Variants in ADAMTS17 observed in about 807,000 individuals in gnomAD.
ADAMTS17 encodes the protein A disintegrin and metalloproteinase with thrombospondin motifs 17.
ADAMTS17 carries 113 observed loss-of-function variants against 141.5 expected under a neutral mutation model. The observed-to-expected ratio is 0.80, with a 90% CI of 0.69 to 0.93. ADAMTS17 has a LOEUF of 0.93. Among genes scored for constraint, ADAMTS17 ranks in the 40% least tolerant of loss-of-function variants. ADAMTS17 has a pLI of 0.00. For missense variants in ADAMTS17, 1,659 were observed against 1,517.9 expected (o/e 1.09, Z -1.54); for synonymous variants, 768 against 630.6 (o/e 1.22, Z -3.27).
chr15:100,047,370 AC>A (rs67327685), intron 18 of ADAMTS17, among the ~76,000 whole-genome samples: 39,502 of 139,800 alleles, frequency 0.28, 6,680 homozygotes, highest in East Asian at 0.47. Context: ...TGTGACCCAC[AC>A]CCTATTCACA....
rs574839498 is a variant in ADAMTS17, at chr15:99,971,502, T to C, written c.*2900A>G. ...TCCAATGAAATGATTAATTTTTCTATATAATTTTCATGTATAATGGCGTCC... is the reference window on the plus strand; with the variant it reads ...TCCAATGAAATGATTAATTTTTCTACATAATTTTCATGTATAATGGCGTCC... On this transcript the variant is annotated 3_prime_UTR_variant, in exon 22 of 22. Coordinates refer to ENST00000268070, the MANE Select transcript of ADAMTS17 (RefSeq NM_139057.4). The C allele has an allele frequency of 1.3e-5, 2 of 152,258 alleles. No homozygotes were observed. Among genetic ancestry groups the C allele is most frequent in the South Asian group, 2.1e-4 (1 of 4,836 alleles). 9.4% of individuals were successfully genotyped at this position (152,258 alleles called of 1,614,324 possible).
chr15:100,190,382 T>G (rs536120002), intron 8 of ADAMTS17, among the ~76,000 whole-genome samples: 1 of 152,296 alleles, frequency 6.6e-6, no homozygotes, highest in Non-Finnish European at 1.5e-5. Context: ...GAGCAAGCCA[T>G]CTGTGACCTC....
chr15:100,046,963 C>G (rs1382496353), intron 18 of ADAMTS17, among the ~76,000 whole-genome samples: 1 of 152,130 alleles, frequency 6.6e-6, no homozygotes, highest in Non-Finnish European at 1.5e-5. Context: ...CAGAACAGAG[C>G]CATATTTCTT....
chr15:99,995,432 G>C (rs1485784827), intron 19 of ADAMTS17, among the ~76,000 whole-genome samples: 2 of 152,214 alleles, frequency 1.3e-5, no homozygotes, highest in Non-Finnish European at 2.9e-5. Flanking sequence ...CTTTGTCTGA[G>C]CAGTGCTGCA....
intron 18 of ADAMTS17, among the ~76,000 whole-genome samples, chr15:100,009,190 C>G (rs2061104389): frequency 6.6e-6 from 1 of 152,082 alleles, no homozygotes; most frequent in Admixed American, 6.5e-5. Flanking sequence ...ACTGTAACTC[C>G]CAGAGGAAGA....
intron 7 of ADAMTS17, among the ~76,000 whole-genome samples, chr15:100,220,434 T>C (rs994233790): frequency 6.6e-6 from 1 of 152,192 alleles, no homozygotes; most frequent in Non-Finnish European, 1.5e-5. Flanking sequence ...AACAGTAACA[T>C]GATCAGCTCT....
intron 13 of ADAMTS17, among the ~76,000 whole-genome samples, chr15:100,110,879 A>G (rs1183211486): frequency 1.3e-5 from 2 of 152,094 alleles, no homozygotes; most frequent in Non-Finnish European, 2.9e-5. Flanking sequence ...GTCAGAGCAG[A>G]CGTGCTGTCT....
At chr15:100,041,357 CT>C (rs1160918431) in intron 18 of ADAMTS17, among the ~76,000 whole-genome samples, 1 of 152,202 alleles carries the variant, frequency 6.6e-6, no homozygotes, top group Non-Finnish European at 1.5e-5. Flanking sequence ...TTGGAATGGC[CT>C]TTTTCAAGTG....
At chr15:100,104,625 A>C (rs1271627751) in intron 14 of ADAMTS17, among the ~76,000 whole-genome samples, 1 of 152,210 alleles carries the variant, frequency 6.6e-6, no homozygotes, top group Non-Finnish European at 1.5e-5. Context: ...AAGAGAGGAA[A>C]ACGCTAGTAG....
chr15:100,291,636 T>C (rs2142126074), intron 3 of ADAMTS17, among the ~76,000 whole-genome samples: 1 of 152,208 alleles, frequency 6.6e-6, no homozygotes, highest in East Asian at 1.9e-4. Flanking sequence ...GTGGTACATA[T>C]ACACCAGGAA....
At chr15:100,188,780 G>T (rs913605240) in intron 8 of ADAMTS17, among the ~76,000 whole-genome samples, 1 of 152,206 alleles carries the variant, frequency 6.6e-6, no homozygotes, top group East Asian at 1.9e-4. Flanking sequence ...TCCAAAGCCA[G>T]CTGACAATCC....
At chr15:100,293,155 G>C (rs1309085521) in intron 3 of ADAMTS17, among the ~76,000 whole-genome samples, 1 of 152,170 alleles carries the variant, frequency 6.6e-6, no homozygotes, top group Admixed American at 6.5e-5. Context: ...TTGGTCCAGG[G>C]AGAGTTATTA....
intron 15 of ADAMTS17, among the ~76,000 whole-genome samples, chr15:100,088,260 T>G (rs759560572): frequency 6.6e-6 from 1 of 152,028 alleles, no homozygotes; most frequent in Non-Finnish European, 1.5e-5. Flanking sequence ...GAGAATAAAA[T>G]ACCTAGGAAT....
intron 20 of ADAMTS17, among the ~76,000 whole-genome samples, chr15:99,990,951 G>A (rs781432802): frequency 9.2e-5 from 14 of 152,294 alleles, no homozygotes; most frequent in Non-Finnish European, 1.6e-4. Context: ...CCGGTGTTGG[G>A]AAAACTGGCT....
chr15:100,063,959 T>A (rs1194676316), intron 15 of ADAMTS17, among the ~76,000 whole-genome samples: 1 of 152,140 alleles, frequency 6.6e-6, no homozygotes, highest in Non-Finnish European at 1.5e-5. Flanking sequence ...TGCACGTGTT[T>A]CAGGTTGAGT....
chr15:100,092,240 G>A (rs903655163), intron 15 of ADAMTS17, among the ~76,000 whole-genome samples: 2 of 152,208 alleles, frequency 1.3e-5, no homozygotes, highest in Admixed American at 1.3e-4. Context: ...TCATCTTACA[G>A]TTTTTCTGAT....
At chr15:100,233,672 A>G (rs562041965) in intron 7 of ADAMTS17, among the ~76,000 whole-genome samples, 1 of 152,294 alleles carries the variant, frequency 6.6e-6, no homozygotes, top group South Asian at 2.1e-4. Context: ...GCAATAACTG[A>G]AAACTAAATG....
rs1367165850 is a variant in ADAMTS17, at chr15:100,058,257, G to A, written c.2138-4203C>T. On this transcript the variant is annotated intron_variant, in intron 15 of 21. Coordinates refer to ENST00000268070, the MANE Select transcript of ADAMTS17 (RefSeq NM_139057.4). ...ATCCCAGCTCTGACCCTCCTATCCC[G>A]GCTCTGACACCCCTATCCCGGCTCT... Among the ~76,000 whole-genome samples, 17 of 44,662 alleles carry A rather than the reference G, an allele frequency of 3.8e-4. 2 individuals carry two copies. The highest frequency in any genetic ancestry group is 1.1e-3 in the African/African-American group (10 of 8,964). 29.3% of individuals were successfully genotyped at this position (44,662 alleles called of 152,430 possible). A position where few individuals can be genotyped will look rare whatever the true frequency, so the allele number is the denominator to read the frequency against.
At chr15:100,013,711 T>C (rs1299954199) in intron 18 of ADAMTS17, among the ~76,000 whole-genome samples, 1 of 152,214 alleles carries the variant, frequency 6.6e-6, no homozygotes, top group Non-Finnish European at 1.5e-5. Flanking sequence ...TATTAAATCA[T>C]CCCTGCATCC....
Sources: gnomAD v4.1 joint callset for allele counts (sites outside exome capture counted in the v4.1 genomes callset) on GRCh38, gnomAD v4.1.1 for gene constraint, MANE v1.5 for transcripts, NCBI Gene and HGNC (gene_info 2026-07-23, HGNC 2026-07-21) for gene names.